ADAM2: variants seen among roughly 807,000 people sequenced by gnomAD.
The protein encoded by ADAM2 is disintegrin and metalloproteinase domain-containing protein 2.
A neutral mutation model predicts 99.3 loss-of-function variants in ADAM2; 101 were observed. That is an observed-to-expected ratio of 1.02 (90% CI 0.87 to 1.20). The LOEUF (loss-of-function observed/expected upper bound fraction) is 1.20, where lower values mean the gene tolerates loss of function less well. ADAM2 is among the 50% of genes most tolerant of loss of function. The pLI is 0.00. For missense variants in ADAM2, 948 were observed against 878.7 expected (o/e 1.08, Z -1.00); for synonymous variants, 323 against 287.6 (o/e 1.12, Z -1.25).
At chr8:39,826,046 T>C (rs541020765) in intron 3 of ADAM2, among the ~76,000 whole-genome samples, 1 of 152,296 alleles carries the variant, frequency 6.6e-6, no homozygotes, top group South Asian at 2.1e-4. Flanking sequence ...TTATTTGCTG[T>C]TTTCCTTCAT....
At position 39,777,102 on chromosome 8, in the gene ADAM2, A is replaced by G; in HGVS notation, c.951T>C (p.Leu317=). ...TGTCATCATAAGTGATCCCCATACT[A>G]AGGCTCAATAATTGAGCTAAAATAA... ...LAVILAQLLS[L]SMGITYDDIN... Residue 317 remains leucine (L), a synonymous_variant, in exon 11 of 21, where the codon CTT becomes CTC. Transcript: ENST00000265708. 1 of 1,605,018 alleles carries G rather than the reference A, an allele frequency of 6.2e-7. No individual in the cohort carries two copies. Among genetic ancestry groups the G allele is most frequent in the Non-Finnish European group, 8.5e-7 (1 of 1,172,286 alleles).
intron 10 of ADAM2, among the ~76,000 whole-genome samples, chr8:39,780,560 A>T (rs1053027371): frequency 2.6e-5 from 4 of 152,202 alleles, no homozygotes. Context: ...CCCAGTCAAT[A>T]GAAAGTCAAG....
chr8:39,804,644 A>G (rs956717007), intron 7 of ADAM2, among the ~76,000 whole-genome samples: 7 of 152,312 alleles, frequency 4.6e-5, no homozygotes, highest in Middle Eastern at 3.4e-3. Flanking sequence ...AAAAGTAAAG[A>G]CACTGGAAGA....
rs1802606523 is a variant in ADAM2 at position 39,767,214 on chromosome 8, G to A, written c.1250C>T (p.Ala417Val). The A allele has an allele frequency of 6.2e-7, 1 of 1,608,254 alleles. No individual in the cohort carries two copies. The highest frequency in any genetic ancestry group is 8.5e-7 in the Non-Finnish European group (1 of 1,178,812). The part of the protein sequence containing the change: ...ALIGETCCDI[A>V]TCRFKAGSNC... ...TGAACCGGCTTTAAATCTACATGTG[G>A]CAATATCACAGCATGTTTCTCCAAT... Residue 417 changes from alanine (A) to valine (V), a missense_variant, in exon 13 of 21, where the codon GCC (alanine) becomes GTC (valine). Physicochemically the swap from Ala to Val is moderately conservative, Grantham distance 64 (BLOSUM62 0). Transcript: ENST00000265708.
intron 11 of ADAM2, among the ~76,000 whole-genome samples, chr8:39,772,170 C>T (rs1045550935): frequency 6.7e-6 from 1 of 149,896 alleles, no homozygotes; most frequent in Non-Finnish European, 1.5e-5. Flanking sequence ...GATTAGAGTA[C>T]TTTTTTGCAG....
At chr8:39,824,340 TTTA>T (rs953837201) in intron 4 of ADAM2, among the ~76,000 whole-genome samples, 2 of 151,144 alleles carry the variant, frequency 1.3e-5, no homozygotes, top group African/African-American at 4.9e-5. Context: ...TTCACTCTTC[TTTA>T]TTATTTTTTA....
intron 12 of ADAM2, among the ~76,000 whole-genome samples, chr8:39,767,585 C>G (rs935827946): frequency 2.0e-5 from 3 of 152,140 alleles, no homozygotes; most frequent in African/African-American, 7.2e-5. Flanking sequence ...GTAAAATAAA[C>G]AGAAGTTATA....
intron 14 of ADAM2, among the ~76,000 whole-genome samples, chr8:39,764,773 G>A (rs1270254602): frequency 1.3e-5 from 2 of 152,224 alleles, no homozygotes; most frequent in African/African-American, 4.8e-5. Context: ...CAGCACTTCG[G>A]GAGGCCCAGG....
At chr8:39,790,726 A>G (rs952000128) in intron 7 of ADAM2, among the ~76,000 whole-genome samples, 2 of 152,006 alleles carry the variant, frequency 1.3e-5, no homozygotes, top group Non-Finnish European at 2.9e-5. Context: ...TAAAAACAAC[A>G]TCAAAAAAGA....
At chr8:39,837,576 G>C (rs560130759) in intron 1 of ADAM2, among the ~76,000 whole-genome samples, 5 of 152,048 alleles carry the variant, frequency 3.3e-5, no homozygotes, top group Admixed American at 1.3e-4. Context: ...TTAGTAGAGG[G>C]GGATTTCACC....
intron 7 of ADAM2, among the ~76,000 whole-genome samples, chr8:39,801,378 AT>A (rs1167462962): frequency 2.0e-5 from 3 of 152,100 alleles, no homozygotes; most frequent in African/African-American, 7.2e-5. Context: ...AGCAGCCAAG[AT>A]GGGTACCTTC....
At chr8:39,749,131 A>G (rs1465489065) in intron 18 of ADAM2, among the ~76,000 whole-genome samples, 181 bp downstream of exon 18, 3 of 152,116 alleles carry the variant, frequency 2.0e-5, no homozygotes, top group African/African-American at 7.2e-5. Context: ...TTTATAACAT[A>G]TGCTACATAT....
chr8:39,755,782 A>G lies in ADAM2; in HGVS notation c.1743T>C (p.His581=). ...TTATCCACATCTTTTGGCTGTCTGC[A>G]TGATCACTGGCAAATTCCACAGCAA... ...LCIAVEFASD[H]ADSQKMWIKD... The change falls in exon 16 of 21, where the codon CAT becomes CAC. Residue 581 remains histidine (H), a synonymous_variant. Transcript: ENST00000265708. 1.2e-6 allele frequency: 2 copies of G among 1,613,820 alleles called. No homozygotes were observed. The highest frequency in any genetic ancestry group is 1.7e-6 in the Non-Finnish European group (2 of 1,179,858).
chr8:39,834,759 G>GAAAAAA, intron 2 of ADAM2, among the ~76,000 whole-genome samples: 1 of 117,678 alleles, frequency 8.5e-6, no homozygotes. Context: ...AAAAAAAAAG[G>GAAAAAA]TTTTAGTCCC....
intron 17 of ADAM2, 34 bp downstream of exon 17, chr8:39,749,633 A>G: frequency 6.4e-7 from 1 of 1,559,620 alleles, no homozygotes; most frequent in Non-Finnish European, 8.8e-7. Flanking sequence ...AGGCTCAATG[A>G]TTTCTATTTT....
At chr8:39,828,408 AC>A (rs1212601832) in intron 3 of ADAM2, among the ~76,000 whole-genome samples, 1 of 151,908 alleles carries the variant, frequency 6.6e-6, no homozygotes, top group African/African-American at 2.4e-5. Flanking sequence ...ACGTAGAGAA[AC>A]TACTAAAAGA....
chr8:39,760,384 G>A (rs748312505), intron 15 of ADAM2, among the ~76,000 whole-genome samples: 1 of 152,078 alleles, frequency 6.6e-6, no homozygotes, highest in Non-Finnish European at 1.5e-5. Context: ...AGTGGGATTA[G>A]GATTTAAAAT....
chr8:39,804,337 A>G (rs914005340), intron 7 of ADAM2, among the ~76,000 whole-genome samples: 5 of 152,218 alleles, frequency 3.3e-5, no homozygotes, highest in African/African-American at 1.2e-4. Flanking sequence ...GTAGGGAATG[A>G]CGGTAATCAT....
At chr8:39,792,241 G>A (rs529922356) in intron 7 of ADAM2, among the ~76,000 whole-genome samples, 1 of 151,836 alleles carries the variant, frequency 6.6e-6, no homozygotes, top group East Asian at 1.9e-4. Context: ...AAAAAAAAAT[G>A]GCAAAACCTT....
Sources: allele counts gnomAD v4.1 joint callset (sites outside exome capture counted in the v4.1 genomes callset), GRCh38; gene constraint gnomAD v4.1.1; transcripts MANE v1.5; gene names NCBI Gene and HGNC (gene_info 2026-07-23, HGNC 2026-07-21).